Variants in CYFIP2 observed in about 807,000 individuals in gnomAD.
CYFIP2 encodes the protein cytoplasmic FMR1 interacting protein 2.
In CYFIP2, 29 loss-of-function variants were observed where a neutral mutation model predicts 158.7. The ratio of observed to expected loss-of-function variants is 0.18; its 90% CI spans 0.14 to 0.25. The LOEUF is 0.25. CYFIP2 is among the 10% of genes least tolerant of loss of function. The pLI, the probability that CYFIP2 is intolerant of heterozygous loss-of-function variation, is 1.00. For synonymous variants in CYFIP2, 585 were observed against 617.6 expected (o/e 0.95, Z 0.78); for missense variants, 852 against 1,639.5 (o/e 0.52, Z 8.29).
At chr5:157,368,570 G>A (rs1026361282) in intron 26 of CYFIP2, among the ~76,000 whole-genome samples, 1 of 152,196 alleles carries the variant, frequency 6.6e-6, no homozygotes, top group Non-Finnish European at 1.5e-5. Flanking sequence ...GGTTGAAAAC[G>A]ATCCATGCTT....
At chr5:157,276,076 A>G (rs912956178) in intron 1 of CYFIP2, among the ~76,000 whole-genome samples, 2 of 152,224 alleles carry the variant, frequency 1.3e-5, no homozygotes, top group African/African-American at 4.8e-5. Context: ...CTATAACAAG[A>G]CTATGTTATC....
At chr5:157,336,380 A>G (rs1761859867) in intron 21 of CYFIP2, among the ~76,000 whole-genome samples, 1 of 152,236 alleles carries the variant, frequency 6.6e-6, no homozygotes, top group African/African-American at 2.4e-5. Context: ...TTTGGAAGAA[A>G]TCAAATAAAA....
intron 23 of CYFIP2, among the ~76,000 whole-genome samples, chr5:157,343,850 T>C (rs1054951138): frequency 9.9e-5 from 15 of 152,228 alleles, no homozygotes; most frequent in African/African-American, 3.6e-4. Flanking sequence ...TTAAGGGGAT[T>C]GTTCTCATCC....
chr5:157,343,270 G>A (rs771254244), intron 23 of CYFIP2: 1 of 1,614,200 alleles, frequency 6.2e-7, no homozygotes, highest in Non-Finnish European at 8.5e-7. Flanking sequence ...GGAACATGGT[G>A]CAGTAGTGCC....
intron 28 of CYFIP2, among the ~76,000 whole-genome samples, chr5:157,383,940 A>AC (rs1382405053): frequency 1.3e-5 from 2 of 152,248 alleles, no homozygotes; most frequent in Non-Finnish European, 2.9e-5. Flanking sequence ...AGCAAGCTGC[A>AC]CTACAGTTCA....
chr5:157,376,681 G>T, intron 26 of CYFIP2: 1 of 197,038 alleles, frequency 5.1e-6, no homozygotes, highest in Non-Finnish European at 1.1e-5. Context: ...TTTTTCTCTT[G>T]GGTCTCATAT....
Position 157,340,645 on chromosome 5 carries a change from C to T in CYFIP2, c.2586-425C>T, listed in dbSNP as rs561420426. ...GTCTGTGGGTGCTTCCATGCTGCAACAGCAGAGTTGAGTACTTGCAACAGA... is the reference window on the plus strand; with the variant it reads ...GTCTGTGGGTGCTTCCATGCTGCAATAGCAGAGTTGAGTACTTGCAACAGA... On this transcript the variant is annotated intron_variant, in intron 22 of 30. Transcript: ENST00000620254. Among the ~76,000 whole-genome samples, 44 of 152,336 alleles carry T rather than the reference C, an allele frequency of 2.9e-4. No homozygotes were observed. In the South Asian group the frequency reaches 8.9e-3, roughly 31 times the overall value.
chr5:157,271,948 C>T (rs939937559), intron 1 of CYFIP2, among the ~76,000 whole-genome samples: 9 of 152,194 alleles, frequency 5.9e-5, no homozygotes, highest in East Asian at 1.9e-4. Context: ...ATGACAGCCC[C>T]AGGGCCCCAG....
intron 21 of CYFIP2, among the ~76,000 whole-genome samples, chr5:157,338,690 A>C (rs2113225707): frequency 6.6e-6 from 1 of 152,378 alleles, no homozygotes; most frequent in Admixed American, 6.5e-5. Flanking sequence ...AATTAGTGGT[A>C]GCTCTTAGTA....
At chr5:157,348,146 C>T (rs1054246147) in intron 23 of CYFIP2, among the ~76,000 whole-genome samples, 20 of 152,256 alleles carry the variant, frequency 1.3e-4, no homozygotes, top group Non-Finnish European at 2.1e-4. Flanking sequence ...TAAATTACTG[C>T]TAGAGGAAAT....
At chr5:157,296,832 A>C in intron 5 of CYFIP2, 58 bp downstream of exon 5, 1 of 1,376,346 alleles carries the variant, frequency 7.3e-7, no homozygotes, top group Non-Finnish European at 1.0e-6. Flanking sequence ...TAGTTTTCTA[A>C]CCACTGGGGT....
Position 157,330,759 on chromosome 5 carries a change from G to C in CYFIP2, c.2174G>C (p.Arg725Pro). The change falls in exon 20 of 31, where the codon CGT (arginine) becomes CCT (proline). Residue 725 changes from arginine to proline, a missense_variant. This residue lies in a region of CYFIP2 where 191 missense variants were observed against 311.2 expected (regional missense o/e 0.61). Coordinates refer to ENST00000620254, the MANE Select transcript of CYFIP2 (RefSeq NM_001037333.3). ...AMAGSVLLDKRFRAECKNYGV... is the reference protein window; with the variant it reads ...AMAGSVLLDKPFRAECKNYGV... The stretch of plus-strand genomic sequence containing the variant: ...CCTTGCAGTGTCCTGTTGGATAAAC[G>C]TTTTCGAGCTGAGTGTAAGAATTAT... The C allele has an allele frequency of 1.2e-6, 2 of 1,613,954 alleles. No individual in the cohort carries two copies. The highest frequency in any genetic ancestry group is 2.2e-5 in the East Asian group (1 of 44,886).
intron 26 of CYFIP2, among the ~76,000 whole-genome samples, chr5:157,371,768 A>T (rs1765017709): frequency 6.6e-6 from 1 of 152,242 alleles, no homozygotes; most frequent in Non-Finnish European, 1.5e-5. Context: ...AAAATAAAAC[A>T]TGAATCCCTT....
intron 3 of CYFIP2, among the ~76,000 whole-genome samples, chr5:157,290,403 G>T (rs1375926763): frequency 1.3e-5 from 2 of 152,092 alleles, no homozygotes; most frequent in African/African-American, 2.4e-5. Context: ...TCTGATCTCT[G>T]CCTGCATCTT....
intron 8 of CYFIP2, among the ~76,000 whole-genome samples, chr5:157,305,674 C>T (rs1346720758): frequency 6.6e-6 from 1 of 152,124 alleles, no homozygotes; most frequent in Non-Finnish European, 1.5e-5. Context: ...CCACACTCAG[C>T]TATTTTTTTA....
intron 3 of CYFIP2, 40 bp downstream of exon 3, chr5:157,287,148 CTGGG>C: frequency 1.3e-6 from 2 of 1,579,192 alleles, no homozygotes; most frequent in Non-Finnish European, 1.7e-6. Flanking sequence ...ATGCTCCCTG[CTGGG>C]CTGGCAGGGG....
intron 24 of CYFIP2, among the ~76,000 whole-genome samples, chr5:157,360,005 C>CATTTT (rs1763696176): frequency 6.6e-6 from 1 of 152,246 alleles, no homozygotes; most frequent in African/African-American, 2.4e-5. Context: ...GGCTCCATTT[C>CATTTT]ATTTTAGCTC....
chr5:157,369,480 G>T (rs890386450), intron 26 of CYFIP2, among the ~76,000 whole-genome samples: 1 of 152,078 alleles, frequency 6.6e-6, no homozygotes, highest in Non-Finnish European at 1.5e-5. Context: ...ATCAGGGGAG[G>T]GACATTTCAG....
intron 28 of CYFIP2, among the ~76,000 whole-genome samples, chr5:157,386,606 T>G (rs2113535151): frequency 6.6e-6 from 1 of 152,268 alleles, no homozygotes; most frequent in South Asian, 2.1e-4. Flanking sequence ...TGCTCAGCGG[T>G]AGCTCACACG....
Sources: allele counts gnomAD v4.1 joint callset (sites outside exome capture counted in the v4.1 genomes callset), GRCh38; gene constraint gnomAD v4.1.1; regional missense constraint gnomAD v4.1.1; transcripts MANE v1.5; gene names NCBI Gene and HGNC (gene_info 2026-07-23, HGNC 2026-07-21).